MROH2A: variants seen among roughly 807,000 people sequenced by gnomAD.
MROH2A encodes maestro heat-like repeat-containing protein family member 2A.
MROH2A carries 174 observed loss-of-function variants against 200.4 expected under a neutral mutation model. That is an observed-to-expected ratio of 0.87 (90% CI 0.77 to 0.98). The LOEUF (loss-of-function observed/expected upper bound fraction) is 0.98, where lower values mean the gene tolerates loss of function less well. MROH2A is among the 50% of genes least tolerant of loss of function. MROH2A has a pLI of 0.00. For synonymous variants in MROH2A, 829 were observed against 840.4 expected (o/e 0.99, Z 0.23); for missense variants, 2,045 against 2,139.6 (o/e 0.96, Z 0.87).
At position 233,822,118 on chromosome 2, in the gene MROH2A, GGTT is replaced by G. The variant is rs1703977640; in HGVS notation, c.3513-5_3513-3del. 6.5e-7 allele frequency: 1 copy of G among 1,547,468 alleles called. No homozygotes were observed. Among genetic ancestry groups the G allele is most frequent in the African/African-American group, 1.4e-5 (1 of 73,026 alleles). Reference sequence around the variant, plus strand: ...CTCACAGTCCTTGTGCCCTGACTTTGGTTAGCCACCTGGCAGAGGTGTGGCTGG... The same window carrying G: ...CTCACAGTCCTTGTGCCCTGACTTTGAGCCACCTGGCAGAGGTGTGGCTGG... On this transcript the variant is annotated splice_polypyrimidine_tract_variant and splice_region_variant and intron_variant, in intron 31 of 41. Transcript: ENST00000389758.
At chr2:233,785,601 G>A (rs1448778724) in intron 3 of MROH2A, among the ~76,000 whole-genome samples, 1 of 152,134 alleles carries the variant, frequency 6.6e-6, no homozygotes, top group Non-Finnish European at 1.5e-5. Context: ...GGAAATTATA[G>A]GCAACAGGCT....
intron 15 of MROH2A, among the ~76,000 whole-genome samples, chr2:233,802,645 G>A (rs1575954636): frequency 6.6e-6 from 1 of 152,236 alleles, no homozygotes; most frequent in East Asian, 1.9e-4. Context: ...GCTCTGCCTG[G>A]CTTCTCTGAG....
At chr2:233,830,854 C>T (rs144914468) in intron 38 of MROH2A, among the ~76,000 whole-genome samples, 36 of 152,346 alleles carry the variant, frequency 2.4e-4, no homozygotes, top group Admixed American at 4.6e-4. Flanking sequence ...CCTCTGTCTT[C>T]AGCCCACACT....
intron 3 of MROH2A, among the ~76,000 whole-genome samples, chr2:233,782,813 C>T (rs775000065): frequency 3.2e-4 from 48 of 152,212 alleles, no homozygotes; most frequent in Non-Finnish European, 5.7e-4. Flanking sequence ...ACAAGGCTTT[C>T]GATTTCTTCC....
intron 37 of MROH2A, 108 bp downstream of exon 37, chr2:233,829,180 G>A: frequency 9.1e-7 from 1 of 1,098,094 alleles, no homozygotes; most frequent in Admixed American, 3.0e-5. Context: ...GGCTCCTGCT[G>A]GGTGTCAGTT....
chr2:233,792,677 C>G, intron 5 of MROH2A, 119 bp from the exon 6 acceptor site: 1 of 664,502 alleles, frequency 1.5e-6, no homozygotes, highest in Non-Finnish European at 2.7e-6. Context: ...GGACAGAGGG[C>G]TAAGCCAGCT....
At chr2:233,802,031 T>G in intron 14 of MROH2A, 137 bp from the exon 15 acceptor site, 1 of 999,292 alleles carries the variant, frequency 1.0e-6, no homozygotes, top group Non-Finnish European at 1.4e-6. Context: ...GTGGAGCCAG[T>G]TCAGGGCTGA....
chr2:233,785,952 A>G (rs1701187581), intron 3 of MROH2A, among the ~76,000 whole-genome samples: 1 of 152,146 alleles, frequency 6.6e-6, no homozygotes, highest in Non-Finnish European at 1.5e-5. Flanking sequence ...CTGTGTCCCC[A>G]CCCAAATCTC....
At chr2:233,788,556 C>T (rs537342979) in intron 3 of MROH2A, among the ~76,000 whole-genome samples, 2 of 152,090 alleles carry the variant, frequency 1.3e-5, no homozygotes, top group Non-Finnish European at 2.9e-5. Flanking sequence ...TTGGGAGTGA[C>T]CTCCCTACCA....
rs1447494112 is a variant in MROH2A, at chr2:233,779,408, CAG to C, written c.53_54del (p.Glu18GlyfsTer9). The C allele has an allele frequency of 6.5e-7, 1 of 1,550,002 alleles. No individual in the cohort carries two copies. Among genetic ancestry groups the C allele is most frequent in the African/African-American group, 1.4e-5 (1 of 73,148 alleles). ...GCAGTAGCCTCAAGTGAGGAGGTGT[CAG>C]AGGAAAGAGACGACCTGGGGCCTCT... On this transcript the variant is annotated frameshift_variant, in exon 2 of 42. Transcript: ENST00000389758. LOFTEE classifies it high-confidence loss of function.
chr2:233,787,796 T>C (rs1337776510), intron 3 of MROH2A, among the ~76,000 whole-genome samples: 2 of 9,056 alleles, frequency 2.2e-4, no homozygotes, highest in African/African-American at 8.2e-4. Context: ...TCATATATAA[T>C]ATATATTATA....
At chr2:233,792,760 C>T in intron 5 of MROH2A, 36 bp from the exon 6 acceptor site, 2 of 1,374,124 alleles carry the variant, frequency 1.5e-6, no homozygotes, top group Middle Eastern at 1.8e-4. Flanking sequence ...CACCCCCAGC[C>T]CCAACTTCCT....
At chr2:233,781,844 T>A (rs1700970931) in intron 3 of MROH2A, among the ~76,000 whole-genome samples, 1 of 152,214 alleles carries the variant, frequency 6.6e-6, no homozygotes, top group African/African-American at 2.4e-5. Flanking sequence ...TCTAGTAGTT[T>A]CATAGTTTCA....
Position 233,813,710 on chromosome 2 carries a change from C to G in MROH2A, c.2692C>G (p.Leu898Val). Reference sequence around the variant, plus strand: ...CTACTCCACAGAGGAAAACAGTGAGCTGATGGATATCAGCATACATTCTGT... The same window carrying G: ...CTACTCCACAGAGGAAAACAGTGAGGTGATGGATATCAGCATACATTCTGT... ...PFYSTEENSE[L>V]MDISIHSVIS... The change falls in exon 25 of 42, where the codon CTG becomes GTG. Residue 898 changes from leucine to valine, a missense_variant. This residue lies in a region of MROH2A where 1,201 missense variants were observed against 1,311.3 expected (regional missense o/e 0.92). Transcript: ENST00000389758. 1 of 1,550,222 alleles carries G rather than the reference C, an allele frequency of 6.5e-7. No individual in the cohort carries two copies. The highest frequency in any genetic ancestry group is 1.4e-5 in the African/African-American group (1 of 73,168).
chr2:233,802,697 C>T (rs551901560), intron 15 of MROH2A, among the ~76,000 whole-genome samples: 1 of 152,136 alleles, frequency 6.6e-6, no homozygotes, highest in South Asian at 2.1e-4. Flanking sequence ...CTGTAGACTA[C>T]CCTCACTGTG....
rs1559462935 is a variant in MROH2A, at chr2:233,807,352, C to G, written c.2053-71C>G. On this transcript the variant is annotated intron_variant, in intron 19 of 41. Coordinates refer to ENST00000389758, the MANE Select transcript of MROH2A (RefSeq NM_001394639.1). The surrounding 1 kb of genome is among the most constrained non-coding windows in gnomAD (Gnocchi z 4.3). ...TAAATTGAAAAATACGTAGAAAACT[C>G]TCTACAACAGCACCCCCTGAAGGCT... The G allele has an allele frequency of 6.9e-7, 1 of 1,442,804 alleles. No homozygotes were observed. Among genetic ancestry groups the G allele is most frequent in the Admixed American group, 2.5e-5 (1 of 39,734 alleles). The allele number at this position is 1,442,804 out of a possible 1,614,324, so 89.4% of individuals were successfully genotyped here. A position where few individuals can be genotyped will look rare whatever the true frequency, so the allele number is the denominator to read the frequency against.
chr2:233,833,071 C>G, intron 41 of MROH2A, 67 bp from the exon 42 acceptor site: 1 of 1,464,606 alleles, frequency 6.8e-7, no homozygotes, highest in Non-Finnish European at 9.0e-7. Context: ...CATCACTGCC[C>G]AGGGCATGCA....
chr2:233,803,927 G>A, intron 16 of MROH2A, 124 bp from the exon 17 acceptor site: 8 of 1,286,952 alleles, frequency 6.2e-6, no homozygotes, highest in Non-Finnish European at 8.5e-6. Flanking sequence ...CTCTCTATTT[G>A]AAATCCCTAT....
chr2:233,779,405 T>C lies in MROH2A; in HGVS notation c.47T>C (p.Val16Ala). ...TEAAVASSEE[V>A]SEERDDLGPL... ...GCAGCAGTAGCCTCAAGTGAGGAGG[T>C]GTCAGAGGAAAGAGACGACCTGGGG... is the stretch of plus-strand genomic sequence containing the variant. Residue 16 changes from valine to alanine, a missense_variant, in exon 2 of 42, where the codon GTG becomes GCG. By Grantham distance (64) the Val-to-Ala change is moderately conservative. This residue lies in a region of MROH2A where 831 missense variants were observed against 800.0 expected (regional missense o/e 1.04). Coordinates refer to ENST00000389758, the MANE Select transcript of MROH2A (RefSeq NM_001394639.1). The C allele has an allele frequency of 1.3e-6, 2 of 1,548,530 alleles. No homozygotes were observed. The highest frequency in any genetic ancestry group is 1.7e-6 in the Non-Finnish European group (2 of 1,145,228).
Sources: allele counts gnomAD v4.1 joint callset (sites outside exome capture counted in the v4.1 genomes callset), GRCh38; gene constraint gnomAD v4.1.1; regional missense constraint gnomAD v4.1.1; non-coding constraint Gnocchi (gnomAD v3.1); transcripts MANE v1.5; gene names NCBI Gene and HGNC (gene_info 2026-07-23, HGNC 2026-07-21).